The following METTL2B variants were observed in gnomAD, a reference collection of about 807,000 sequenced individuals.
METTL2B encodes tRNA N(3)-cytidine methyltransferase METTL2B.
Under a neutral mutation model 51.0 loss-of-function variants are expected in METTL2B, and 28 were observed. That is an observed-to-expected ratio of 0.55 (90% confidence interval 0.41 to 0.75). METTL2B has a LOEUF of 0.75. METTL2B is among the 30% of genes least tolerant of loss of function. METTL2B has a pLI of 0.00. For missense variants in METTL2B, 313 were observed against 460.7 expected (o/e 0.68, Z 2.93); for synonymous variants, 128 against 166.3 (o/e 0.77, Z 1.77).
Position 128,498,122 on chromosome 7 carries a change from C to T in METTL2B, c.896C>T (p.Ala299Val). 8 of 1,613,834 alleles carry T rather than the reference C, an allele frequency of 5.0e-6. No homozygotes were observed. The highest frequency in any genetic ancestry group is 5.9e-6 in the Non-Finnish European group (7 of 1,179,884). Reference protein sequence around the residue: ...LLRDYGRYDMAQLRFKKGQCL... With the variant: ...LLRDYGRYDMVQLRFKKGQCL... ...CGAGATTACGGCCGCTATGACATGG[C>T]TCAGCTTCGGTTTAAAAAAGGTATT... Residue 299 changes from alanine (A) to valine (V), a missense_variant, in exon 7 of 9, where the codon GCT becomes GTT. By Grantham distance (64) the Ala-to-Val change is moderately conservative (BLOSUM62 0). Transcript: ENST00000262432.
chr7:128,485,981 A>G (rs1341543048), intron 4 of METTL2B, among the ~76,000 whole-genome samples: 1 of 152,092 alleles, frequency 6.6e-6, no homozygotes, highest in African/African-American at 2.4e-5. Flanking sequence ...GGACAACTAT[A>G]TGACCTGTAG....
chr7:128,477,539 T>C (rs940889046), intron 2 of METTL2B, among the ~76,000 whole-genome samples: 9 of 152,094 alleles, frequency 5.9e-5, no homozygotes, highest in African/African-American at 1.2e-4. Context: ...GATGTTTCCA[T>C]TGAAGCTTCA....
chr7:128,479,065 A>G (rs554674566), intron 2 of METTL2B, 93 bp from the exon 3 acceptor site: 14 of 1,312,250 alleles, frequency 1.1e-5, no homozygotes, highest in Non-Finnish European at 1.5e-5. Flanking sequence ...TTTTAGTATT[A>G]AAGTGACATT....
intron 6 of METTL2B, among the ~76,000 whole-genome samples, chr7:128,497,008 C>G (rs1165155012): frequency 6.6e-6 from 1 of 152,004 alleles, no homozygotes; most frequent in Non-Finnish European, 1.5e-5. Flanking sequence ...GTCTCGAACT[C>G]CTGATCTCAG....
At chr7:128,494,573 C>G (rs1178629880) in intron 6 of METTL2B, among the ~76,000 whole-genome samples, 1 of 152,196 alleles carries the variant, frequency 6.6e-6, no homozygotes, top group Admixed American at 6.6e-5. Context: ...CGTTTTAGAA[C>G]TGTGAACTGT....
chr7:128,492,297 C>T (rs1792847917), intron 5 of METTL2B, among the ~76,000 whole-genome samples: 2 of 151,568 alleles, frequency 1.3e-5, no homozygotes, highest in Admixed American at 6.6e-5. Context: ...GCTGGGATTA[C>T]AGGCGGGTGC....
chr7:128,501,933 A>G lies in METTL2B; in HGVS notation c.*17A>G. The G allele has an allele frequency of 1.9e-6, 3 of 1,613,618 alleles. No homozygotes were observed. Among genetic ancestry groups the G allele is most frequent in the South Asian group, 1.1e-5 (1 of 91,022 alleles). On this transcript the variant is annotated 3_prime_UTR_variant, in exon 9 of 9. Coordinates refer to ENST00000262432, the MANE Select transcript of METTL2B (RefSeq NM_018396.3). Reference sequence around the variant, plus strand: ...ACCAGCTAAGAGGCACCTGCTGCCAACACGATGCAAGCCCGTTGTGTTTCC... The same window carrying G: ...ACCAGCTAAGAGGCACCTGCTGCCAGCACGATGCAAGCCCGTTGTGTTTCC...
intron 2 of METTL2B, 139 bp downstream of exon 2, chr7:128,477,312 G>A (rs1264165230): frequency 8.5e-7 from 1 of 1,170,678 alleles, no homozygotes; most frequent in Non-Finnish European, 1.2e-6. Flanking sequence ...AGCAGGACAG[G>A]GAGGGGATGA....
In METTL2B at chr7:128,480,895, C is replaced by A. The variant is rs1391241787; in HGVS notation, c.608+199C>A. 5.3e-5 allele frequency among the ~76,000 whole-genome samples: 8 copies of A among 152,208 alleles called. No individual in the cohort carries two copies. In the East Asian group the frequency reaches 1.3e-3, roughly 26 times the overall value. Reference sequence around the variant, plus strand: ...TTCAAAACTTGCTGCATCAAACTATCAATAATGGTTATTGGAAAATATGGA... The same window carrying A: ...TTCAAAACTTGCTGCATCAAACTATAAATAATGGTTATTGGAAAATATGGA... On this transcript the variant is annotated intron_variant, in intron 4 of 8. Transcript: ENST00000262432.
chr7:128,498,603 A>T (rs1428983395), intron 7 of METTL2B, among the ~76,000 whole-genome samples: 2 of 152,258 alleles, frequency 1.3e-5, no homozygotes, highest in African/African-American at 4.8e-5. Context: ...TATGTGACAG[A>T]GTAGTATATT....
At chr7:128,500,282 T>C (rs1793004947) in intron 7 of METTL2B, among the ~76,000 whole-genome samples, 1 of 152,210 alleles carries the variant, frequency 6.6e-6, no homozygotes, top group South Asian at 2.1e-4. Flanking sequence ...AAAATGGTAA[T>C]GGTTGTCTCA....
chr7:128,496,624 A>G (rs952461952), intron 6 of METTL2B, among the ~76,000 whole-genome samples: 1 of 152,168 alleles, frequency 6.6e-6, no homozygotes, highest in East Asian at 1.9e-4. Flanking sequence ...ACAAATTATT[A>G]AAATTTAAAA....
chr7:128,497,027 C>T (rs1477852211), intron 6 of METTL2B, among the ~76,000 whole-genome samples: 1 of 152,078 alleles, frequency 6.6e-6, no homozygotes, highest in African/African-American at 2.4e-5. Flanking sequence ...AGGTGATCTG[C>T]CTGCCTTAGC....
At chr7:128,494,858 CT>C (rs531396899) in intron 6 of METTL2B, among the ~76,000 whole-genome samples, 80 of 151,518 alleles carry the variant, frequency 5.3e-4, no homozygotes, top group African/African-American at 1.9e-3. Flanking sequence ...AACTCCTCAC[CT>C]TGTGATCTGC....
At chr7:128,499,684 A>G (rs1792993210) in intron 7 of METTL2B, among the ~76,000 whole-genome samples, 3 of 89,516 alleles carry the variant, frequency 3.4e-5, no homozygotes, top group East Asian at 6.5e-4. Flanking sequence ...ACGCCTGGCT[A>G]ATTTTTTTGT....
intron 4 of METTL2B, among the ~76,000 whole-genome samples, chr7:128,483,619 G>A (rs2956690): frequency 6.6e-6 from 1 of 152,158 alleles, no homozygotes; most frequent in African/African-American, 2.4e-5. Context: ...TCGGCTAGCC[G>A]CAACCTCCGC....
chr7:128,485,854 C>T (rs1256409855), intron 4 of METTL2B, among the ~76,000 whole-genome samples: 1 of 152,088 alleles, frequency 6.6e-6, no homozygotes, highest in Non-Finnish European at 1.5e-5. Context: ...TAACTGTTTA[C>T]ATAGCATTTA....
chr7:128,488,588 T>G, intron 5 of METTL2B: 1 of 429,426 alleles, frequency 2.3e-6, no homozygotes, highest in Non-Finnish European at 4.9e-6. Flanking sequence ...ATGCATGTGT[T>G]GTGACTGCCC....
chr7:128,500,812 A>C, intron 7 of METTL2B, 91 bp from the exon 8 acceptor site: 1 of 1,497,220 alleles, frequency 6.7e-7, no homozygotes, highest in East Asian at 2.3e-5. Context: ...CTCTCCACCC[A>C]ACAAACTGGC....
Sources: allele counts gnomAD v4.1 joint callset (sites outside exome capture counted in the v4.1 genomes callset), GRCh38; gene constraint gnomAD v4.1.1; transcripts MANE v1.5; gene names NCBI Gene and HGNC (gene_info 2026-07-23, HGNC 2026-07-21).